INPP4A: variants seen among roughly 807,000 people sequenced by gnomAD.
The protein encoded by INPP4A is inositol polyphosphate-4-phosphatase type I A.
In INPP4A, 33 loss-of-function variants were observed where a neutral mutation model predicts 119.8. That is an observed-to-expected ratio of 0.28 (90% CI 0.21 to 0.37). The LOEUF (loss-of-function observed/expected upper bound fraction) is 0.37. INPP4A is among the 10% of genes least tolerant of loss of function. INPP4A has a pLI of 1.00. For synonymous variants in INPP4A, 496 were observed against 500.7 expected, an observed-to-expected ratio of 0.99 and a Z score of 0.12; for missense variants, 956 against 1,289.9, an observed-to-expected ratio of 0.74 and a Z score of 3.97.
chr2:98,455,016 A>G (rs577269918), intron 1 of INPP4A, among the ~76,000 whole-genome samples: 45 of 152,300 alleles, frequency 3.0e-4, no homozygotes, highest in Admixed American at 3.9e-4. Context: ...ACAGAACCCA[A>G]TGTTTTAAAA....
chr2:98,524,169 A>T (rs1269098796), intron 4 of INPP4A, among the ~76,000 whole-genome samples: 3 of 152,240 alleles, frequency 2.0e-5, no homozygotes, highest in African/African-American at 2.4e-5. Context: ...TAGATCTTTC[A>T]TACATGTTGC....
intron 1 of INPP4A, among the ~76,000 whole-genome samples, chr2:98,469,893 G>A (rs1317208723): frequency 6.6e-6 from 1 of 152,210 alleles, no homozygotes; most frequent in East Asian, 1.9e-4. Flanking sequence ...TGTTGAGCCA[G>A]TCTCTTAGAT....
chr2:98,448,435 A>G (rs1009730120), intron 1 of INPP4A, among the ~76,000 whole-genome samples: 10 of 151,752 alleles, frequency 6.6e-5, no homozygotes, highest in African/African-American at 1.9e-4. Flanking sequence ...GATTTTGTCA[A>G]TTGCTTCGAT....
At chr2:98,541,741 T>C (rs1031864320) in intron 10 of INPP4A, among the ~76,000 whole-genome samples, 1 of 152,190 alleles carries the variant, frequency 6.6e-6, no homozygotes, top group Non-Finnish European at 1.5e-5. Context: ...CACACCACTA[T>C]GCCCAGCTAA....
intron 1 of INPP4A, among the ~76,000 whole-genome samples, chr2:98,472,867 G>A (rs1460621245): frequency 6.6e-6 from 1 of 152,232 alleles, no homozygotes; most frequent in African/African-American, 2.4e-5. Flanking sequence ...TCTCCATGAG[G>A]TGCTCTTTCC....
At chr2:98,480,730 A>T (rs899518885) in intron 1 of INPP4A, among the ~76,000 whole-genome samples, 1 of 152,194 alleles carries the variant, frequency 6.6e-6, no homozygotes, top group African/African-American at 2.4e-5. Flanking sequence ...TGCCAGGCAG[A>T]ATGTGCCCGT....
At chr2:98,535,611 G>A in intron 5 of INPP4A, 118 bp from the exon 6 acceptor site, 1 of 626,470 alleles carries the variant, frequency 1.6e-6, no homozygotes, top group Admixed American at 3.3e-5. Context: ...TAGCATTTGT[G>A]TTGATTCAAG....
intron 1 of INPP4A, among the ~76,000 whole-genome samples, chr2:98,481,548 T>C (rs1678470391): frequency 6.6e-6 from 1 of 152,192 alleles, no homozygotes; most frequent in African/African-American, 2.4e-5. Flanking sequence ...CTGAAGTGGT[T>C]TTAGATATAA....
In INPP4A at chr2:98,546,617, G is replaced by A. The variant is rs767066197; in HGVS notation, c.1086G>A (p.Ala362=). 4.2e-5 allele frequency: 67 copies of A among 1,613,576 alleles called. No individual in the cohort carries two copies. The highest frequency in any genetic ancestry group is 3.6e-4 in the African/African-American group (27 of 74,930). ...DQNYDIVTIG[A]PAAHCQGFKS... is the part of the protein sequence containing the mutation. The stretch of plus-strand genomic sequence containing the variant: ...ACTACGACATCGTCACCATTGGGGC[G>A]CCAGCAGCACACTGCCAAGGTTTTA... Residue 362 remains alanine (A), a synonymous_variant, in exon 13 of 25, where the codon GCG becomes GCA. Coordinates refer to ENST00000409851, the MANE Select transcript of INPP4A (RefSeq NM_001134225.2). The surrounding 1 kb of genome is among the most constrained non-coding windows in gnomAD (Gnocchi z 4.2).
chr2:98,580,511 C>T (rs564058515), intron 24 of INPP4A, among the ~76,000 whole-genome samples: 3 of 152,388 alleles, frequency 2.0e-5, no homozygotes, highest in African/African-American at 7.2e-5. Context: ...AGTCCTGGGG[C>T]TGAACCCCTC....
chr2:98,506,214 C>G (rs890682661), intron 1 of INPP4A, among the ~76,000 whole-genome samples: 1 of 152,188 alleles, frequency 6.6e-6, no homozygotes, highest in Non-Finnish European at 1.5e-5. Context: ...AACTCTACAA[C>G]TGAAAAAGAT....
intron 1 of INPP4A, among the ~76,000 whole-genome samples, chr2:98,512,412 C>T (rs1685286444): frequency 6.6e-6 from 1 of 152,182 alleles, no homozygotes; most frequent in Admixed American, 6.5e-5. Context: ...TGTCTTAATC[C>T]ATTTTCTGCT....
intron 1 of INPP4A, among the ~76,000 whole-genome samples, chr2:98,489,204 A>C (rs1254362178): frequency 4.6e-5 from 7 of 151,924 alleles, no homozygotes; most frequent in Admixed American, 2.0e-4. Flanking sequence ...CCTGGAAGGG[A>C]GAGAAATCAG....
rs573601886 is a variant in INPP4A, at chr2:98,545,955, AT to A, written c.950-12del. ...ATGCTGATGGCCTTTATCTTCTCCT[AT>A]TCCATTTCTTAGGGCCCTCGTTTAA... On this transcript the variant is annotated splice_polypyrimidine_tract_variant and intron_variant, in intron 11 of 24. Coordinates refer to ENST00000409851, the MANE Select transcript of INPP4A (RefSeq NM_001134225.2). 2.6e-4 allele frequency: 393 copies of A among 1,532,866 alleles called. No homozygotes were observed. Among genetic ancestry groups the A allele is most frequent in the Non-Finnish European group, 3.3e-4 (373 of 1,123,528 alleles). 95.0% of individuals were successfully genotyped at this position (1,532,866 alleles called of 1,614,324 possible). A position where few individuals can be genotyped will look rare whatever the true frequency, so the allele number is the denominator to read the frequency against.
chr2:98,552,588 A>G (rs1451419687), intron 13 of INPP4A, 198 bp from the exon 14 acceptor site: 1 of 714,486 alleles, frequency 1.4e-6, no homozygotes, highest in Non-Finnish European at 2.6e-6. Flanking sequence ...ATAGTTTAAT[A>G]TTTCAAGCTC....
intron 1 of INPP4A, among the ~76,000 whole-genome samples, chr2:98,478,199 T>C (rs1194741222): frequency 1.3e-5 from 2 of 152,150 alleles, no homozygotes; most frequent in Non-Finnish European, 2.9e-5. Context: ...CCTTTTTCTT[T>C]CTCAGCCACA....
At chr2:98,474,577 A>T (rs1304803799) in intron 1 of INPP4A, among the ~76,000 whole-genome samples, 1 of 152,198 alleles carries the variant, frequency 6.6e-6, no homozygotes, top group African/African-American at 2.4e-5. Context: ...TGAGTGACAG[A>T]CAAGACCCAA....
chr2:98,575,921 T>TGG, intron 23 of INPP4A, among the ~76,000 whole-genome samples: 1 of 152,338 alleles, frequency 6.6e-6, no homozygotes, highest in South Asian at 2.1e-4. Context: ...GCACAGGTTT[T>TGG]CAGATTTTAG....
intron 24 of INPP4A, among the ~76,000 whole-genome samples, chr2:98,582,104 C>G (rs1189435087): frequency 1.3e-5 from 2 of 152,146 alleles, no homozygotes; most frequent in Non-Finnish European, 2.9e-5. Flanking sequence ...GCCCTGTTTC[C>G]AAGAGAAACG....
Sources: gnomAD v4.1 joint callset for allele counts (sites outside exome capture counted in the v4.1 genomes callset) on GRCh38, gnomAD v4.1.1 for gene constraint, Gnocchi (gnomAD v3.1) non-coding constraint, MANE v1.5 for transcripts, NCBI Gene and HGNC (gene_info 2026-07-23, HGNC 2026-07-21) for gene names.